The following CFAP95 variants were observed in gnomAD, a reference collection of about 807,000 sequenced individuals.
CFAP95 encodes cilia- and flagella-associated protein 95.
the CFAP95 span, among the ~76,000 whole-genome samples, chr9:69,868,064 AT>A: frequency 6.6e-6 from 1 of 152,180 alleles, no homozygotes; most frequent in Non-Finnish European, 1.5e-5. Flanking sequence ...ATTTCTTCTG[AT>A]ATTAAGCCTA....
the CFAP95 span, among the ~76,000 whole-genome samples, chr9:69,842,597 A>G: frequency 3.9e-5 from 6 of 152,218 alleles, no homozygotes; most frequent in African/African-American, 1.4e-4. Context: ...TCATATTAAG[A>G]TCTTAAAAGG....
At chr9:69,843,914 G>A in the CFAP95 span, among the ~76,000 whole-genome samples, 1 of 151,778 alleles carries the variant, frequency 6.6e-6, no homozygotes, top group East Asian at 2.0e-4. Context: ...GAGATTACAG[G>A]CGTGTGTTAC....
At chr9:69,878,857 T>C in the CFAP95 span, among the ~76,000 whole-genome samples, 1 of 152,196 alleles carries the variant, frequency 6.6e-6, no homozygotes, top group East Asian at 1.9e-4. Flanking sequence ...TGGCATCTGC[T>C]CAGCTTCTAG....
the CFAP95 span, among the ~76,000 whole-genome samples, chr9:69,855,699 T>C: frequency 6.6e-6 from 1 of 152,134 alleles, no homozygotes; most frequent in Admixed American, 6.5e-5. Flanking sequence ...TGGTTTTGAC[T>C]AGGCTAGACT....
chr9:69,906,214 C>T, the CFAP95 span: 1 of 1,208,000 alleles, frequency 8.3e-7, no homozygotes, highest in East Asian at 2.4e-5. Flanking sequence ...TTAATAAATG[C>T]AATGGAAGTG....
the CFAP95 span, among the ~76,000 whole-genome samples, chr9:69,843,616 T>TTCTTCG: frequency 1.4e-5 from 1 of 70,412 alleles, no homozygotes; most frequent in Non-Finnish European, 2.5e-5. Context: ...CTTCTTCTTC[T>TTCTTCG]TCTTCTTCTT....
the CFAP95 span, among the ~76,000 whole-genome samples, chr9:69,879,415 C>T: frequency 7.2e-5 from 11 of 152,036 alleles, no homozygotes; most frequent in Non-Finnish European, 1.5e-4. Context: ...CCAGCATGGA[C>T]GAGGGGAAGC....
chr9:69,901,392 CT>C, the CFAP95 span, among the ~76,000 whole-genome samples: 15 of 152,174 alleles, frequency 9.9e-5, no homozygotes, highest in Admixed American at 9.2e-4. Flanking sequence ...CTGCCTCGGC[CT>C]CCCAAAGTGC....
the CFAP95 span, among the ~76,000 whole-genome samples, chr9:69,874,257 G>T: frequency 8.8e-3 from 1,336 of 152,212 alleles, 16 homozygotes; most frequent in Non-Finnish European, 0.011. Flanking sequence ...AATTTATAAT[G>T]AGAAATAAAA....
chr9:69,874,191 A>G, the CFAP95 span, among the ~76,000 whole-genome samples: 1 of 151,918 alleles, frequency 6.6e-6, no homozygotes, highest in Non-Finnish European at 1.5e-5. Flanking sequence ...TATCTGACAC[A>G]TGGAGATCAA....
the CFAP95 span, among the ~76,000 whole-genome samples, chr9:69,900,662 G>A: frequency 6.2e-4 from 95 of 152,260 alleles, no homozygotes; most frequent in Middle Eastern, 3.4e-3. Context: ...TCCAATGGTC[G>A]GCTCTGCAGC....
chr9:69,867,678 A>G, the CFAP95 span, among the ~76,000 whole-genome samples: 1 of 152,226 alleles, frequency 6.6e-6, no homozygotes, highest in Admixed American at 6.5e-5. Flanking sequence ...ACAGACATTA[A>G]GAAAAATAGT....
the CFAP95 span, among the ~76,000 whole-genome samples, chr9:69,838,459 G>A: frequency 6.6e-6 from 1 of 151,464 alleles, no homozygotes; most frequent in South Asian, 2.1e-4. Flanking sequence ...TCCCTTGTAA[G>A]TTGGATTCCT....
the CFAP95 span, among the ~76,000 whole-genome samples, chr9:69,897,840 A>G: frequency 6.6e-6 from 1 of 152,122 alleles, no homozygotes; most frequent in Admixed American, 6.5e-5. Flanking sequence ...GGGTTGGGGG[A>G]ACCACTCACT....
chr9:69,846,314 A>T, the CFAP95 span, among the ~76,000 whole-genome samples: 3 of 152,136 alleles, frequency 2.0e-5, no homozygotes, highest in African/African-American at 7.2e-5. Context: ...GTCAAGCCTC[A>T]GGTTTAATGA....
chr9:69,901,176 C>T, the CFAP95 span, among the ~76,000 whole-genome samples: 1 of 149,310 alleles, frequency 6.7e-6, no homozygotes, highest in Non-Finnish European at 1.5e-5. Flanking sequence ...CTTGCTCTGT[C>T]GCCCAGGCTG....
the CFAP95 span, among the ~76,000 whole-genome samples, chr9:69,858,401 A>G: frequency 1.3e-5 from 2 of 152,178 alleles, no homozygotes; most frequent in South Asian, 2.1e-4. Flanking sequence ...TTCTTTTCAC[A>G]GTCTATTCAG....
chr9:69,886,615 T>C, the CFAP95 span, among the ~76,000 whole-genome samples: 1 of 152,118 alleles, frequency 6.6e-6, no homozygotes, highest in African/African-American at 2.4e-5. Context: ...TTGGAACATA[T>C]TCTCTAAGGA....
At chr9:69,848,938 G>GTCCTC in the CFAP95 span, among the ~76,000 whole-genome samples, 1 of 152,174 alleles carries the variant, frequency 6.6e-6, no homozygotes, top group Non-Finnish European at 1.5e-5. Flanking sequence ...GAAAGAACTA[G>GTCCTC]TCCTCTAAAT....
Sources: allele counts gnomAD v4.1 joint callset (sites outside exome capture counted in the v4.1 genomes callset), GRCh38; gene constraint gnomAD v4.1.1; transcripts MANE v1.5; gene names NCBI Gene and HGNC (gene_info 2026-07-23, HGNC 2026-07-21).